Variants in SUSD3 observed in about 807,000 individuals in gnomAD.
SUSD3 encodes sushi domain containing 3, also known as sushi domain-containing protein 3.
SUSD3 carries 18 observed loss-of-function variants against 20.6 expected under a neutral mutation model. The ratio of observed to expected loss-of-function variants is 0.87; its 90% confidence interval spans 0.60 to 1.30. The LOEUF (loss-of-function observed/expected upper bound fraction) is 1.30, where lower values mean the gene tolerates loss of function less well. Among genes scored for constraint, SUSD3 ranks in the 50% most tolerant of loss-of-function variants. SUSD3 has a pLI of 0.00. For synonymous variants in SUSD3, 137 were observed against 141.5 expected (o/e 0.97, Z 0.23); for missense variants, 306 against 346.9 (o/e 0.88, Z 0.94).
intron 2 of SUSD3, among the ~76,000 whole-genome samples, chr9:93,076,212 T>A (rs765861919): frequency 2.6e-5 from 4 of 152,176 alleles, no homozygotes; most frequent in Non-Finnish European, 5.9e-5. Flanking sequence ...GGGCCTCCAA[T>A]CCTGGCTCTG....
At chr9:93,070,588 G>A (rs1825874014) in intron 1 of SUSD3, among the ~76,000 whole-genome samples, 2 of 152,252 alleles carry the variant, frequency 1.3e-5, no homozygotes, top group Non-Finnish European at 2.9e-5. Flanking sequence ...GAATGGGGGA[G>A]ACAGTTCTTC....
At chr9:93,078,196 G>T (rs1007789812) in intron 3 of SUSD3, among the ~76,000 whole-genome samples, 1 of 152,222 alleles carries the variant, frequency 6.6e-6, no homozygotes, top group East Asian at 1.9e-4. Context: ...ACAGCTGGGG[G>T]ACATGTGGGC....
At chr9:93,079,369 T>C in intron 3 of SUSD3, 102 bp from the exon 4 acceptor site, 1 of 1,340,990 alleles carries the variant, frequency 7.5e-7, no homozygotes, top group Non-Finnish European at 1.0e-6. Context: ...CAGCCTGCAC[T>C]GGTCCTGCAG....
At position 93,079,567 on chromosome 9, in the gene SUSD3, G is replaced by A; in HGVS notation, c.522G>A (p.Gly174=). The change falls in exon 4 of 5, where the codon GGG becomes GGA. Residue 174 remains glycine, a synonymous_variant. Transcript: ENST00000375472. ...GLKHFNKPVS[G]PSQAHDNHSF... ...AGCACTTCAACAAACCCGTGAGCGG[G>A]CCCAGCCAGGCGCACGACAACCACA... The A allele has an allele frequency of 6.2e-7, 1 of 1,613,988 alleles. No homozygotes were observed. The highest frequency in any genetic ancestry group is 8.5e-7 in the Non-Finnish European group (1 of 1,180,006).
intron 4 of SUSD3, among the ~76,000 whole-genome samples, chr9:93,082,377 G>T (rs1270493214): frequency 6.8e-6 from 1 of 146,430 alleles, no homozygotes; most frequent in African/African-American, 2.6e-5. Flanking sequence ...GAGTTCAGTG[G>T]CGCGATCTCG....
At chr9:93,061,516 C>T (rs1303426237) in intron 1 of SUSD3, among the ~76,000 whole-genome samples, 2 of 152,266 alleles carry the variant, frequency 1.3e-5, no homozygotes, top group African/African-American at 4.8e-5. Context: ...TGTGTGCTTT[C>T]CACATCCTGA....
At chr9:93,076,382 G>A (rs973321736) in intron 2 of SUSD3, among the ~76,000 whole-genome samples, 7 of 152,080 alleles carry the variant, frequency 4.6e-5, no homozygotes, top group Admixed American at 2.6e-4. Context: ...GATATTTCAC[G>A]TATCAGGAAT....
chr9:93,084,580 A>C lies in SUSD3; in HGVS notation c.601A>C (p.Ser201Arg). The change falls in exon 5 of 5, where the codon AGC (serine) becomes CGC (arginine). Residue 201 changes from serine to arginine, a missense_variant. Ser to Arg is a moderately radical substitution (Grantham distance 110). Transcript: ENST00000375472. ...CAGCAAGCTGGCCAGTGTGACCCGC[A>C]GCGTGGACAAGGACCCTGGGATCCC... ...STSKLASVTR[S>R]VDKDPGIPRA... 1 of 1,603,064 alleles carries C rather than the reference A, an allele frequency of 6.2e-7. No individual in the cohort carries two copies. Among genetic ancestry groups the C allele is most frequent in the Non-Finnish European group, 8.5e-7 (1 of 1,174,878 alleles).
At chr9:93,064,481 C>T (rs527236299) in intron 1 of SUSD3, among the ~76,000 whole-genome samples, 106 of 152,374 alleles carry the variant, frequency 7.0e-4, no homozygotes, top group Admixed American at 1.2e-3. Context: ...AATCCACCAC[C>T]TGCAGTTGCT....
intron 2 of SUSD3, among the ~76,000 whole-genome samples, 167 bp from the exon 3 acceptor site, chr9:93,077,679 C>T (rs1038200503): frequency 6.6e-6 from 1 of 152,124 alleles, no homozygotes; most frequent in South Asian, 2.1e-4. Flanking sequence ...TTGCCTCAGC[C>T]CCCAGCACCT....
At position 93,069,214 on chromosome 9, in the gene SUSD3, G is replaced by A. The variant is rs140908862; in HGVS notation, c.89-6570G>A. ...AATCTCACCCATCCCGCTCCACCCC[G>A]CCTGGGATTGCTGTCAGTCACTTAG... is the stretch of plus-strand genomic sequence containing the variant. On this transcript the variant is annotated intron_variant, in intron 1 of 4. Transcript: ENST00000375472. 646 of 690,410 alleles carry A rather than the reference G, an allele frequency of 9.4e-4. 5 individuals carry two copies. In the East Asian group the frequency reaches 0.016, roughly 17 times the overall value. The allele number at this position is 690,410 out of a possible 1,614,324, so 42.8% of individuals were successfully genotyped here.
chr9:93,071,386 C>T (rs530388184), intron 1 of SUSD3, among the ~76,000 whole-genome samples: 1 of 152,186 alleles, frequency 6.6e-6, no homozygotes, highest in Admixed American at 6.5e-5. Flanking sequence ...TCCAAGAATC[C>T]AAAAGCTGAA....
intron 3 of SUSD3, among the ~76,000 whole-genome samples, chr9:93,078,311 T>A (rs1826259483): frequency 6.6e-6 from 1 of 152,056 alleles, no homozygotes; most frequent in Admixed American, 6.6e-5. Flanking sequence ...GGCGACAGAG[T>A]ACAGTAGCGT....
chr9:93,060,252 C>G (rs532156945), intron 1 of SUSD3, among the ~76,000 whole-genome samples: 2 of 152,144 alleles, frequency 1.3e-5, no homozygotes, highest in Non-Finnish European at 2.9e-5. Context: ...GCACTGGCCC[C>G]CTTGTTGGAG....
chr9:93,061,927 C>A (rs762121470), intron 1 of SUSD3, among the ~76,000 whole-genome samples: 37 of 152,232 alleles, frequency 2.4e-4, no homozygotes, highest in Non-Finnish European at 4.3e-4. Flanking sequence ...TAAAAGGGAA[C>A]ATAGTTACTT....
At chr9:93,072,096 A>G (rs1825933617) in intron 1 of SUSD3, among the ~76,000 whole-genome samples, 1 of 152,062 alleles carries the variant, frequency 6.6e-6, no homozygotes, top group African/African-American at 2.4e-5. Context: ...AGCACCCATT[A>G]GGCCCCCAGT....
intron 1 of SUSD3, among the ~76,000 whole-genome samples, chr9:93,070,679 C>T (rs560798636): frequency 5.3e-4 from 81 of 152,328 alleles, no homozygotes; most frequent in African/African-American, 1.9e-3. Flanking sequence ...CTCATTTCCT[C>T]AGCACCCCAG....
chr9:93,075,735 T>TCCCCCCCC, intron 1 of SUSD3, 49 bp from the exon 2 acceptor site: 16 of 247,424 alleles, frequency 6.5e-5, no homozygotes, highest in South Asian at 1.6e-4. Flanking sequence ...CTGCCCTGCG[T>TCCCCCCCC]GCCCACCCCC....
chr9:93,079,357 G>A (rs1826306855), intron 3 of SUSD3, 114 bp from the exon 4 acceptor site: 3 of 1,188,818 alleles, frequency 2.5e-6, no homozygotes, highest in Non-Finnish European at 3.5e-6. Context: ...TGAGAGGTTT[G>A]CCAGCCTGCA....
Sources: allele counts gnomAD v4.1 joint callset (sites outside exome capture counted in the v4.1 genomes callset), GRCh38; gene constraint gnomAD v4.1.1; transcripts MANE v1.5; gene names NCBI Gene and HGNC (gene_info 2026-07-23, HGNC 2026-07-21).